The following TTC7B variants were observed in gnomAD, a reference collection of about 807,000 sequenced individuals.
TTC7B encodes tetratricopeptide repeat protein 7B.
TTC7B carries 28 observed loss-of-function variants against 106.8 expected under a neutral mutation model. The ratio of observed to expected loss-of-function variants is 0.26; its 90% CI spans 0.19 to 0.36. TTC7B has a LOEUF of 0.36. Ranked by LOEUF, TTC7B falls within the 10% of genes least tolerant of loss-of-function variation. The pLI is 1.00. For synonymous variants in TTC7B, 405 were observed against 430.6 expected, an observed-to-expected ratio of 0.94 and a Z score of 0.74; for missense variants, 862 against 1,076.4, an observed-to-expected ratio of 0.80 and a Z score of 2.79.
intron 9 of TTC7B, among the ~76,000 whole-genome samples, chr14:90,667,037 C>T (rs1886438576): frequency 6.6e-6 from 1 of 152,240 alleles, no homozygotes; most frequent in South Asian, 2.1e-4. Context: ...TTCCATTCCT[C>T]CTGTCTCCTC....
chr14:90,794,207 A>ACTTTTTTTT (rs1566891563), intron 1 of TTC7B, among the ~76,000 whole-genome samples: 1 of 130,618 alleles, frequency 7.7e-6, no homozygotes. Context: ...CTGGCTGGGT[A>ACTTTTTTTT]TTTCTTTTTT....
At chr14:90,656,723 G>T (rs894183660) in intron 11 of TTC7B, among the ~76,000 whole-genome samples, 4 of 152,102 alleles carry the variant, frequency 2.6e-5, no homozygotes, top group African/African-American at 9.7e-5. Flanking sequence ...AGCCCAAAAG[G>T]TTGAGGCTGC....
chr14:90,760,666 C>T (rs1404201118), intron 3 of TTC7B, among the ~76,000 whole-genome samples: 2 of 152,222 alleles, frequency 1.3e-5, no homozygotes, highest in Non-Finnish European at 2.9e-5. Flanking sequence ...TTCACTAGCC[C>T]AGAGCCCTGG....
At chr14:90,736,775 T>C (rs1889547113) in intron 4 of TTC7B, among the ~76,000 whole-genome samples, 1 of 150,410 alleles carries the variant, frequency 6.6e-6, no homozygotes, top group Admixed American at 6.6e-5. Flanking sequence ...CCCAGCTAAC[T>C]GGGAGGCTGG....
intron 15 of TTC7B, among the ~76,000 whole-genome samples, chr14:90,632,006 G>T (rs138500504): frequency 1.3e-3 from 198 of 152,228 alleles, no homozygotes; most frequent in Non-Finnish European, 2.2e-3. Context: ...GTGGAAAGTT[G>T]ATTTTAAATA....
chr14:90,637,995 C>T (rs774288005), intron 15 of TTC7B, among the ~76,000 whole-genome samples: 23 of 152,026 alleles, frequency 1.5e-4, no homozygotes, highest in Non-Finnish European at 2.2e-4. Context: ...GATCCTCCCA[C>T]GTCAGCCTTC....
At chr14:90,623,876 C>T (rs1230481450) in intron 15 of TTC7B, among the ~76,000 whole-genome samples, 1 of 152,182 alleles carries the variant, frequency 6.6e-6, no homozygotes, top group Non-Finnish European at 1.5e-5. Context: ...CAAAAATTAG[C>T]CAGACGTAGT....
Position 90,746,598 on chromosome 14 carries a change from T to C in TTC7B, c.446-1676A>G, listed in dbSNP as rs573459321. ...TCATTTATTTCCACTCTGATCTTTA[T>C]TATGTCCTTTCTTCTGAATACATTG... On this transcript the variant is annotated intron_variant, in intron 3 of 19. Coordinates refer to ENST00000328459, the MANE Select transcript of TTC7B (RefSeq NM_001010854.2). Among the ~76,000 whole-genome samples, 6 of 152,346 alleles carry C rather than the reference T, an allele frequency of 3.9e-5. No individual in the cohort carries two copies. In the South Asian group the frequency reaches 1.2e-3, roughly 32 times the overall value.
At chr14:90,557,874 A>T (rs1285992926) in intron 19 of TTC7B, among the ~76,000 whole-genome samples, 1 of 152,234 alleles carries the variant, frequency 6.6e-6, no homozygotes, top group South Asian at 2.1e-4. Context: ...CTGGATTTAC[A>T]GGAAACTCTG....
chr14:90,659,118 G>C (rs946598050), intron 9 of TTC7B, among the ~76,000 whole-genome samples: 2 of 152,200 alleles, frequency 1.3e-5, no homozygotes, highest in African/African-American at 4.8e-5. Flanking sequence ...AGCATGCGGG[G>C]ACTGGGGAGG....
intron 17 of TTC7B, among the ~76,000 whole-genome samples, chr14:90,609,109 C>T (rs1476730773): frequency 6.6e-6 from 1 of 152,190 alleles, no homozygotes; most frequent in Non-Finnish European, 1.5e-5. Context: ...ACAGGTCCCT[C>T]GGCAGGAGCT....
chr14:90,602,032 G>A lies in TTC7B; in HGVS notation c.1967-8406C>T, dbSNP rs901166960. 5 of 440,676 alleles carry A rather than the reference G, an allele frequency of 1.1e-5. No individual in the cohort carries two copies. The Admixed American group carries it at 1.2e-4, about 11-fold the overall frequency. 27.3% of individuals were successfully genotyped at this position (440,676 alleles called of 1,614,324 possible). ...TCTTTTCTATTATGGACTGCTTTTA[G>A]GCCAGAAATAAAGGCACATCTAGGT... On this transcript the variant is annotated intron_variant, in intron 17 of 19. Transcript: ENST00000328459.
chr14:90,541,357 C>A lies in TTC7B; in HGVS notation c.*11G>T. On this transcript the variant is annotated 3_prime_UTR_variant, in exon 20 of 20. Transcript: ENST00000328459. ...AGGCCTGAGCGGCAGGTGAGGCTGG[C>A]AGGCGCCTGCTCAGAGCACGCGGGG... 1 of 1,570,620 alleles carries A rather than the reference C, an allele frequency of 6.4e-7. No homozygotes were observed.
intron 13 of TTC7B, among the ~76,000 whole-genome samples, chr14:90,651,542 C>T (rs1885717087): frequency 1.3e-5 from 2 of 152,202 alleles, no homozygotes; most frequent in African/African-American, 4.8e-5. Context: ...GATGTAATGA[C>T]CACTTTCTTA....
chr14:90,785,855 T>C (rs902763764), intron 2 of TTC7B, among the ~76,000 whole-genome samples: 2 of 152,218 alleles, frequency 1.3e-5, no homozygotes, highest in Non-Finnish European at 2.9e-5. Context: ...TTTCTAGAAC[T>C]GCGTAACATG....
chr14:90,816,041 T>G, intron 1 of TTC7B, 134 bp downstream of exon 1: 1 of 949,042 alleles, frequency 1.1e-6, no homozygotes, highest in African/African-American at 1.8e-5. Flanking sequence ...CCCGCGCACA[T>G]CCCCTGGGCC....
intron 1 of TTC7B, among the ~76,000 whole-genome samples, chr14:90,814,547 G>C (rs1391055798): frequency 6.6e-6 from 1 of 152,168 alleles, no homozygotes. Flanking sequence ...AATAAGCAAA[G>C]ACAGCAGGAA....
chr14:90,634,665 G>A (rs1037134688), intron 15 of TTC7B, among the ~76,000 whole-genome samples: 2 of 152,098 alleles, frequency 1.3e-5, no homozygotes, highest in African/African-American at 4.8e-5. Context: ...CCACCTACTC[G>A]GGCGGTCGAG....
At chr14:90,695,086 TTATAAA>T (rs1887674486) in intron 6 of TTC7B, among the ~76,000 whole-genome samples, 5 of 94,126 alleles carry the variant, frequency 5.3e-5, no homozygotes, top group Admixed American at 5.1e-4. Flanking sequence ...TTTTATTTTA[TTATAAA>T]ATATATTTTA....
Sources: gnomAD v4.1 joint callset for allele counts (sites outside exome capture counted in the v4.1 genomes callset) on GRCh38, gnomAD v4.1.1 for gene constraint, MANE v1.5 for transcripts, NCBI Gene and HGNC (gene_info 2026-07-23, HGNC 2026-07-21) for gene names.